Variants in CCND3 observed in about 807,000 individuals in gnomAD.
The protein encoded by CCND3 is cyclin D3.
Under a neutral mutation model 28.7 loss-of-function variants are expected in CCND3, and 9 were observed. The observed-to-expected ratio is 0.31, with a 90% confidence interval of 0.19 to 0.55. The LOEUF (loss-of-function observed/expected upper bound fraction) is 0.55, where lower values mean the gene tolerates loss of function less well. CCND3 is among the 20% of genes least tolerant of loss of function. CCND3 has a pLI of 0.93. For synonymous variants in CCND3, 164 were observed against 163.9 expected (o/e 1.00, Z 0.00); for missense variants, 315 against 385.8 (o/e 0.82, Z 1.54).
At chr6:42,021,792 G>A (rs997720069) in intron 1 of CCND3, among the ~76,000 whole-genome samples, 2 of 152,196 alleles carry the variant, frequency 1.3e-5, no homozygotes, top group African/African-American at 4.8e-5. Flanking sequence ...TTCACTGTGG[G>A]TAAAGGCCTG....
chr6:41,984,609 A>G (rs1005437421), intron 1 of CCND3, among the ~76,000 whole-genome samples: 6 of 151,956 alleles, frequency 3.9e-5, no homozygotes, highest in African/African-American at 1.4e-4. Context: ...CGGCCTCCCA[A>G]AGTGTTGGGA....
chr6:42,020,678 T>C (rs575928377), intron 1 of CCND3, among the ~76,000 whole-genome samples: 33 of 152,270 alleles, frequency 2.2e-4, no homozygotes, highest in Middle Eastern at 6.8e-3. Context: ...TCCCCTTCTC[T>C]CAGAATTCCC....
rs560550895 is a variant in CCND3 at position 42,000,637 on chromosome 6, G to A, written c.-46+47864C>T. Among the ~76,000 whole-genome samples the A allele has an allele frequency of 1.2e-3, 169 of 138,816 alleles. 1 individual carries two copies. In the Middle Eastern group the frequency reaches 0.013, roughly 10 times the overall value. The allele number at this position is 138,816 out of a possible 152,430, so 91.1% of individuals were successfully genotyped here. Reference sequence around the variant, plus strand: ...GGCTGGAGCGCAATGGCGCAATCTCGGCTCACCACAACCTCTGCCTCCCAG... The same window carrying A: ...GGCTGGAGCGCAATGGCGCAATCTCAGCTCACCACAACCTCTGCCTCCCAG... On this transcript the variant is annotated intron_variant, in intron 1 of 4. Coordinates refer to the CCND3 transcript ENST00000372988.
At chr6:42,040,250 T>G (rs1764330963) in intron 1 of CCND3, among the ~76,000 whole-genome samples, 5 of 151,850 alleles carry the variant, frequency 3.3e-5, no homozygotes, top group Non-Finnish European at 7.4e-5. Context: ...AAACCCTGTC[T>G]CTACTAAAAA....
At chr6:42,035,346 C>T (rs10948007) in intron 1 of CCND3, among the ~76,000 whole-genome samples, 10,654 of 152,232 alleles carry the variant, frequency 0.07, 597 homozygotes, top group East Asian at 0.23. Context: ...TTTCTACTGG[C>T]GTCACCCTAG....
intron 1 of CCND3, among the ~76,000 whole-genome samples, chr6:42,045,894 G>GTGT (rs1764527548): frequency 6.6e-6 from 1 of 152,216 alleles, no homozygotes; most frequent in Non-Finnish European, 1.5e-5. Context: ...CAGTGCCTGG[G>GTGT]GCAGGGGGCC....
chr6:41,969,786 A>T (rs1761985076), intron 1 of CCND3, among the ~76,000 whole-genome samples: 2 of 152,134 alleles, frequency 1.3e-5, no homozygotes, highest in South Asian at 4.1e-4. Context: ...CCCTGGGTAT[A>T]CTTGAAAGCA....
chr6:41,968,307 G>A (rs528793271), intron 1 of CCND3, among the ~76,000 whole-genome samples: 1 of 152,260 alleles, frequency 6.6e-6, no homozygotes, highest in African/African-American at 2.4e-5. Flanking sequence ...TTCTGAAGCT[G>A]AAATAAGCTT....
intron 1 of CCND3, among the ~76,000 whole-genome samples, chr6:41,964,475 A>C (rs28603030): frequency 9.3e-6 from 1 of 108,056 alleles, no homozygotes; most frequent in African/African-American, 4.1e-5. Flanking sequence ...TGTGTGTGTG[A>C]GTGTGTGTGA....
In CCND3 at chr6:42,044,456, A is replaced by G. The variant is rs116295827; in HGVS notation, c.-46+4045T>C. Among the ~76,000 whole-genome samples the G allele has an allele frequency of 7.2e-3, 1,092 of 152,308 alleles. 13 individuals carry two copies. The highest frequency in any genetic ancestry group is 0.024 in the African/African-American group (1,002 of 41,570). On this transcript the variant is annotated intron_variant, in intron 1 of 4. Coordinates refer to the CCND3 transcript ENST00000372988. The stretch of plus-strand genomic sequence containing the variant: ...AGTATGGGAGAGCAAAGAATGACAT[A>G]GAAGAGGAAAGCAGGGGGAAAATCA...
chr6:42,003,525 CAAAAAAAAAAAAAAAAAAAAAAAA>C lies in CCND3; in HGVS notation c.-46+44952_-46+44975del, dbSNP rs61494473. 2.3e-4 allele frequency among the ~76,000 whole-genome samples: 17 copies of C among 73,502 alleles called. 1 individual carries two copies. The highest frequency in any genetic ancestry group is 3.9e-4 in the East Asian group (1 of 2,554). 48.2% of individuals were successfully genotyped at this position (73,502 alleles called of 152,430 possible). On this transcript the variant is annotated intron_variant, in intron 1 of 4. Coordinates refer to the CCND3 transcript ENST00000372988. Reference sequence around the variant, plus strand: ...GGGCAACCAGAGTGAGACTCTGTCTCAAAAAAAAAAAAAAAAAAAAAAAAAAAAAAAAAAAAAGAACAGCAGAAT... The same window carrying C: ...GGGCAACCAGAGTGAGACTCTGTCTCAAAAAAAAAAAAAGAACAGCAGAAT...
chr6:41,944,512 C>T (rs1405411228), upstream of CCND3, among the ~76,000 whole-genome samples: 2 of 151,920 alleles, frequency 1.3e-5, no homozygotes, highest in Admixed American at 1.3e-4. Context: ...ACCTCTGCCT[C>T]CTGGTTTCAA....
At chr6:41,997,086 A>T (rs1762830987) in intron 1 of CCND3, among the ~76,000 whole-genome samples, 1 of 152,128 alleles carries the variant, frequency 6.6e-6, no homozygotes, top group Non-Finnish European at 1.5e-5. Context: ...CAGCCAGCCC[A>T]CACAACGGAT....
rs1407743462 is a variant in CCND3, at chr6:41,936,611, A to G, written c.659T>C (p.Met220Thr). 2 of 1,614,206 alleles carry G rather than the reference A, an allele frequency of 1.2e-6. No homozygotes were observed. Among genetic ancestry groups the G allele is most frequent in the South Asian group, 2.2e-5 (2 of 91,086 alleles). Reference protein sequence around the residue: ...AAVQGLGACSMSGDELTELLA... With the variant: ...AAVQGLGACSTSGDELTELLA... ...CAGCTCTGTGAGCTCATCCCCGGAC[A>G]TGGAGCAGGCACCCAGGCCTTGCAC... The change falls in exon 4 of 5, where the codon ATG becomes ACG. Residue 220 changes from methionine (M) to threonine (T), a missense_variant. Transcript: ENST00000372991. This position sits in a 1 kb window ranked among gnomAD's most constrained non-coding sequence, Gnocchi z 4.4.
intron 2 of CCND3, 199 bp from the exon 3 acceptor site, chr6:41,937,593 C>G (rs1046381640): frequency 1.6e-6 from 1 of 609,544 alleles, no homozygotes. Flanking sequence ...TGAGCACTTA[C>G]TGATCATTTA....
chr6:42,000,564 C>CTTTTTTTT (rs774090777), intron 1 of CCND3, among the ~76,000 whole-genome samples: 52,465 of 85,264 alleles, frequency 0.62, 19,322 homozygotes, highest in Non-Finnish European at 0.69. Flanking sequence ...TGAAACGAAT[C>CTTTTTTTT]TTTTTTTTTT....
chr6:42,037,613 C>A (rs1582190387), intron 1 of CCND3, among the ~76,000 whole-genome samples: 1 of 152,084 alleles, frequency 6.6e-6, no homozygotes, highest in Admixed American at 6.6e-5. Context: ...TTTAAAATTT[C>A]TCATATCAAA....
chr6:41,963,495 C>T (rs1478483237), intron 1 of CCND3, among the ~76,000 whole-genome samples: 2 of 152,210 alleles, frequency 1.3e-5, no homozygotes, highest in African/African-American at 4.8e-5. Context: ...ATCTCACTGT[C>T]TCTAATACAG....
At chr6:42,026,063 TGACC>T (rs1763866315) in intron 1 of CCND3, among the ~76,000 whole-genome samples, 1 of 152,196 alleles carries the variant, frequency 6.6e-6, no homozygotes, top group African/African-American at 2.4e-5. Context: ...CAGCTAAATG[TGACC>T]TGTGACCAAC....
Sources: gnomAD v4.1 joint callset for allele counts (sites outside exome capture counted in the v4.1 genomes callset) on GRCh38, gnomAD v4.1.1 for gene constraint, Gnocchi (gnomAD v3.1) non-coding constraint, MANE v1.5 for transcripts, NCBI Gene and HGNC (gene_info 2026-07-23, HGNC 2026-07-21) for gene names.